KLHL13: variants seen among roughly 807,000 people sequenced by gnomAD.
KLHL13 encodes the protein kelch like family member 13, also known as kelch-like protein 13.
KLHL13 carries 10 observed loss-of-function variants against 37.1 expected under a neutral mutation model. That is an observed-to-expected ratio of 0.27 (90% CI 0.17 to 0.46). KLHL13 has a LOEUF of 0.46. KLHL13 is among the 20% of genes least tolerant of loss of function. The pLI is 1.00. For missense variants in KLHL13, 360 were observed against 509.3 expected, an observed-to-expected ratio of 0.71 and a Z score of 2.82; for synonymous variants, 163 against 181.2, an observed-to-expected ratio of 0.90 and a Z score of 0.81.
chrX:117,898,570 G>A (rs1435694686), exon 7 of KLHL13: 1 of 160,718 alleles, frequency 6.2e-6, no homozygotes, highest in Non-Finnish European at 1.2e-5. Flanking sequence ...CCTTCAACTT[G>A]GCTTATTGGG....
At chrX:118,028,519 C>A (rs1351486125) in intron 1 of KLHL13, 22 bp from the exon 2 acceptor site, 2 of 727,590 alleles carry the variant, frequency 2.7e-6, no homozygotes, top group South Asian at 2.5e-5. Context: ...GAAAAGAAGC[C>A]AATATTTACT....
At chrX:118,074,814 T>C (rs1307032762) in intron 1 of KLHL13, among the ~76,000 whole-genome samples, 1 of 111,988 alleles carries the variant, frequency 8.9e-6, no homozygotes, top group Non-Finnish European at 1.9e-5. Flanking sequence ...TCTTTTCCTC[T>C]GTCCCAACAT....
intron 1 of KLHL13, among the ~76,000 whole-genome samples, chrX:117,965,856 C>G (rs758655926): frequency 9.0e-5 from 10 of 111,467 alleles, no homozygotes; most frequent in East Asian, 2.8e-4. Context: ...ATTCAACAAC[C>G]CTTCATGCTA....
Position 117,926,885 on chromosome X carries a change from C to CTTTTTTTTTTTT in KLHL13, c.241-6527_241-6516dup, listed in dbSNP as rs10596292. Reference sequence around the variant, plus strand: ...AAGCTCCAGGAGAAGCCCCCTACTTCTTTTTTTTTTTTTTTTTTTTTTTTT... The same window carrying CTTTTTTTTTTTT: ...AAGCTCCAGGAGAAGCCCCCTACTTCTTTTTTTTTTTTTTTTTTTTTTTTTTTTTTTTTTTTT... On this transcript the variant is annotated intron_variant, in intron 2 of 6. Transcript: ENST00000262820. 9.2e-4 allele frequency among the ~76,000 whole-genome samples: 24 copies of CTTTTTTTTTTTT among 26,162 alleles called. 4 individuals carry two copies. The highest frequency in any genetic ancestry group is 1.6e-3 in the Non-Finnish European group (19 of 12,096). The allele number at this position is 26,162 out of a possible 115,157, so 22.7% of individuals were successfully genotyped here.
intron 1 of KLHL13, among the ~76,000 whole-genome samples, chrX:118,078,595 T>C: frequency 8.9e-6 from 1 of 111,895 alleles, no homozygotes; most frequent in Middle Eastern, 4.6e-3. Context: ...TATCAGTACT[T>C]TGTTCCTTTT....
At position 118,028,841 on chromosome X, in the gene KLHL13, C is replaced by T. The variant is rs148478092; in HGVS notation, c.-55-83266G>A. ...CTTCTGCAGTTCAAAAAATATTAAACGGAGAATTCTCAAAATAAACAATTC... is the reference window on the plus strand; with the variant it reads ...CTTCTGCAGTTCAAAAAATATTAAATGGAGAATTCTCAAAATAAACAATTC... On this transcript the variant is annotated intron_variant, in intron 1 of 6. Coordinates refer to the KLHL13 transcript ENST00000371882. Among the ~76,000 whole-genome samples the T allele has an allele frequency of 1.9e-3, 212 of 111,471 alleles. 2 individuals are homozygous for T. The highest frequency in any genetic ancestry group is 5.9e-3 in the African/African-American group (180 of 30,716).
At chrX:117,972,519 C>A (rs1358208522) in intron 1 of KLHL13, among the ~76,000 whole-genome samples, 1 of 112,648 alleles carries the variant, frequency 8.9e-6, no homozygotes, top group Non-Finnish European at 1.9e-5. Flanking sequence ...AATTAGATTA[C>A]CATTAAACAC....
chrX:117,953,052 T>G (rs1462262538), intron 1 of KLHL13, among the ~76,000 whole-genome samples: 1 of 111,298 alleles, frequency 9.0e-6, no homozygotes, highest in African/African-American at 3.3e-5. Context: ...ATCCCATTAC[T>G]GAGTATATAC....
At chrX:118,034,186 A>G (rs1255608563) in intron 1 of KLHL13, among the ~76,000 whole-genome samples, 2 of 103,081 alleles carry the variant, frequency 1.9e-5, no homozygotes, top group Non-Finnish European at 3.8e-5. Flanking sequence ...GATCAACGAG[A>G]CAGAAAGTTA....
intron 1 of KLHL13, among the ~76,000 whole-genome samples, chrX:118,085,757 CATT>C (rs2148137870): frequency 9.3e-6 from 1 of 107,258 alleles, no homozygotes; most frequent in South Asian, 4.3e-4. Context: ...CTGCAAAAGA[CATT>C]ATTTCAGTCT....
chrX:117,963,243 C>T (rs2053335868), intron 1 of KLHL13, among the ~76,000 whole-genome samples: 1 of 111,297 alleles, frequency 9.0e-6, no homozygotes, highest in African/African-American at 3.3e-5. Flanking sequence ...ATAACCTCAT[C>T]ATAGTAAGTT....
At chrX:117,973,828 A>ACCCCCC (rs2053563893), upstream of KLHL13, 1 of 365,606 alleles carries the variant, frequency 2.7e-6, no homozygotes, top group Non-Finnish European at 3.1e-6. Flanking sequence ...CACCCCCCCC[A>ACCCCCC]CTCCTCCCCT....
At chrX:118,094,829 C>T (rs1369245567) in intron 1 of KLHL13, among the ~76,000 whole-genome samples, 1 of 111,064 alleles carries the variant, frequency 9.0e-6, no homozygotes, top group Admixed American at 9.6e-5. Flanking sequence ...ACTTTACAGA[C>T]AAGCAAATGC....
At chrX:117,939,156 G>C (rs1467608613) in intron 2 of KLHL13, among the ~76,000 whole-genome samples, 1 of 110,026 alleles carries the variant, frequency 9.1e-6, no homozygotes, top group Non-Finnish European at 1.9e-5. Flanking sequence ...TGTTCTCATT[G>C]TTCACCTCCC....
At chrX:117,922,866 G>C (rs906956166) in intron 2 of KLHL13, among the ~76,000 whole-genome samples, 27 of 112,222 alleles carry the variant, frequency 2.4e-4, no homozygotes, top group Admixed American at 2.2e-3. Context: ...ACTGTTAACA[G>C]TTTAGTAAGC....
chrX:117,904,413 G>A (rs1930358184), intron 5 of KLHL13, among the ~76,000 whole-genome samples: 1 of 111,110 alleles, frequency 9.0e-6, no homozygotes, highest in Non-Finnish European at 1.9e-5. Context: ...GGGAGTAAGG[G>A]ATGATGCAAG....
intron 1 of KLHL13, among the ~76,000 whole-genome samples, chrX:118,067,580 T>C (rs1047875103): frequency 1.3e-4 from 15 of 112,093 alleles, no homozygotes; most frequent in Non-Finnish European, 2.8e-4. Context: ...GTAAAAAATA[T>C]TGTATTTCTT....
chrX:118,081,459 T>G (rs6645443), intron 1 of KLHL13, among the ~76,000 whole-genome samples: 3,188 of 111,105 alleles, frequency 0.029, 107 homozygotes, highest in African/African-American at 0.098. Flanking sequence ...TTTTGGTTTT[T>G]TTTAACTGAT....
At chrX:118,094,843 G>T (rs1328805257) in intron 1 of KLHL13, among the ~76,000 whole-genome samples, 1 of 111,254 alleles carries the variant, frequency 9.0e-6, no homozygotes, top group East Asian at 2.8e-4. Context: ...CAAATGCTGA[G>T]AGATTTTGTC....
Sources: gnomAD v4.1 joint callset for allele counts (sites outside exome capture counted in the v4.1 genomes callset) on GRCh38, gnomAD v4.1.1 for gene constraint, MANE v1.5 for transcripts, NCBI Gene and HGNC (gene_info 2026-07-23, HGNC 2026-07-21) for gene names.